Variants in RFFL observed in about 807,000 individuals in gnomAD.
RFFL encodes ring finger and FYVE like domain containing E3 ubiquitin protein ligase, also known as E3 ubiquitin-protein ligase rififylin.
In RFFL, 16 loss-of-function variants were observed where a neutral mutation model predicts 40.4. The observed-to-expected ratio is 0.40, with a 90% CI of 0.27 to 0.60. RFFL has a LOEUF of 0.60. Ranked by LOEUF, RFFL falls within the 20% of genes least tolerant of loss-of-function variation. The pLI is 0.47. For synonymous variants in RFFL, 154 were observed against 167.9 expected (o/e 0.92, Z 0.64); for missense variants, 367 against 451.7 (o/e 0.81, Z 1.70).
intron 1 of RFFL, among the ~76,000 whole-genome samples, chr17:35,075,869 T>C (rs540547658): frequency 6.6e-6 from 1 of 152,308 alleles, no homozygotes; most frequent in South Asian, 2.1e-4. Flanking sequence ...TTTAAGCATC[T>C]TAACTGTGAG....
chr17:35,021,963 G>A (rs1410034120), intron 2 of RFFL, among the ~76,000 whole-genome samples, 182 bp from the exon 3 acceptor site: 2 of 152,168 alleles, frequency 1.3e-5, no homozygotes, highest in Admixed American at 6.5e-5. Context: ...AAAGCCACTC[G>A]GGTGGAAGAC....
intron 1 of RFFL, 64 bp from the exon 2 acceptor site, chr17:35,026,625 G>T (rs2091042894): frequency 7.4e-7 from 1 of 1,347,672 alleles, no homozygotes; most frequent in Non-Finnish European, 1.0e-6. Flanking sequence ...TCCTTTTGAT[G>T]TCCGAGAGCA....
intron 5 of RFFL, among the ~76,000 whole-genome samples, chr17:35,015,972 T>G (rs549878398): frequency 1.3e-5 from 2 of 152,304 alleles, no homozygotes; most frequent in South Asian, 4.1e-4. Context: ...GTATGTAGAT[T>G]CACTTTCTAC....
intron 1 of RFFL, among the ~76,000 whole-genome samples, chr17:35,070,420 T>C (rs1417200310): frequency 2.6e-5 from 4 of 152,190 alleles, no homozygotes; most frequent in African/African-American, 4.8e-5. Flanking sequence ...TCCGCCTGCC[T>C]CAACCTCCCA....
chr17:35,070,320 C>A (rs1414788012), intron 1 of RFFL, among the ~76,000 whole-genome samples: 2 of 152,146 alleles, frequency 1.3e-5, no homozygotes, highest in Non-Finnish European at 2.9e-5. Context: ...CTGGTGCATG[C>A]CACCATGCCT....
At chr17:35,043,778 A>G (rs2091180893) in intron 1 of RFFL, among the ~76,000 whole-genome samples, 1 of 152,224 alleles carries the variant, frequency 6.6e-6, no homozygotes. Flanking sequence ...CTTATTTAAC[A>G]CAATAATCCT....
intron 1 of RFFL, among the ~76,000 whole-genome samples, chr17:35,072,744 G>C (rs1338330055): frequency 6.8e-6 from 1 of 146,436 alleles, no homozygotes; most frequent in East Asian, 2.0e-4. Context: ...TAAAAATAAA[G>C]TATAAAAAAA....
chr17:35,012,191 G>A (rs2142311626), intron 6 of RFFL, 42 bp from the exon 7 acceptor site: 1 of 1,580,080 alleles, frequency 6.3e-7, no homozygotes, highest in South Asian at 1.1e-5. Flanking sequence ...GCAGAGGAGT[G>A]AGGAGAATGT....
At chr17:35,048,982 C>A (rs2091216317) in intron 1 of RFFL, among the ~76,000 whole-genome samples, 1 of 152,170 alleles carries the variant, frequency 6.6e-6, no homozygotes, top group South Asian at 2.1e-4. Context: ...ATTTCTAGTT[C>A]TCTTGGTGTC....
chr17:35,079,636 T>C (rs1219278303), intron 1 of RFFL, among the ~76,000 whole-genome samples: 1 of 152,220 alleles, frequency 6.6e-6, no homozygotes, highest in Non-Finnish European at 1.5e-5. Flanking sequence ...ACAGTCACTA[T>C]TCCTCAAGCT....
chr17:35,063,358 G>A (rs1311728287), intron 1 of RFFL, among the ~76,000 whole-genome samples: 1 of 148,486 alleles, frequency 6.7e-6, no homozygotes, highest in African/African-American at 2.5e-5. Flanking sequence ...GGGAGGCTGA[G>A]GCAGGAGAAT....
chr17:35,024,924 T>C (rs572777368), intron 2 of RFFL, among the ~76,000 whole-genome samples: 3 of 152,326 alleles, frequency 2.0e-5, no homozygotes, highest in African/African-American at 7.2e-5. Context: ...AAGAAAATAT[T>C]GTAGCAAGAA....
intron 3 of RFFL, among the ~76,000 whole-genome samples, chr17:35,018,159 T>C (rs1045514835): frequency 1.3e-5 from 2 of 152,202 alleles, no homozygotes; most frequent in African/African-American, 4.8e-5. Flanking sequence ...TTCCAGATCA[T>C]CACCACCCTA....
At chr17:35,051,730 G>A (rs996704156) in intron 1 of RFFL, among the ~76,000 whole-genome samples, 1 of 152,198 alleles carries the variant, frequency 6.6e-6, no homozygotes, top group South Asian at 2.1e-4. Context: ...ATAATTAAAC[G>A]CTGGCCCCTT....
intron 1 of RFFL, among the ~76,000 whole-genome samples, chr17:35,075,414 T>A (rs1427199077): frequency 1.3e-5 from 2 of 152,216 alleles, no homozygotes; most frequent in Admixed American, 1.3e-4. Flanking sequence ...AAACAAATTG[T>A]TTCCAAAAGT....
At position 35,009,084 on chromosome 17, in the gene RFFL, C is replaced by T. The variant is rs1449361730; in HGVS notation, c.*2884G>A. 6.6e-6 allele frequency: 1 copy of T among 152,626 alleles called. No individual in the cohort carries two copies. Among genetic ancestry groups the T allele is most frequent in the Non-Finnish European group, 1.5e-5 (1 of 68,036 alleles). The allele number at this position is 152,626 out of a possible 1,614,324, so 9.5% of individuals were successfully genotyped here. A position where few individuals can be genotyped will look rare whatever the true frequency, so the allele number is the denominator to read the frequency against. Reference sequence around the variant, plus strand: ...AGGCTCTTTTGTCAGTCCTATCAACCTCTAACATCCTCGCACCAGACAGGA... The same window carrying T: ...AGGCTCTTTTGTCAGTCCTATCAACTTCTAACATCCTCGCACCAGACAGGA... On this transcript the variant is annotated 3_prime_UTR_variant, in exon 7 of 7. Coordinates refer to ENST00000394597, the MANE Select transcript of RFFL (RefSeq NM_001017368.2).
upstream of RFFL, among the ~76,000 whole-genome samples, chr17:35,067,652 G>A (rs568887382): frequency 9.2e-5 from 14 of 151,656 alleles, no homozygotes; most frequent in African/African-American, 2.4e-4. Context: ...ACGGAGTTTC[G>A]CCATGTTGGC....
At chr17:35,074,405 A>C (rs1041253356) in intron 1 of RFFL, 1 of 152,198 alleles carries the variant, frequency 6.6e-6, no homozygotes, top group African/African-American at 2.4e-5. Flanking sequence ...TGCTGAGCTA[A>C]AACTGCGGTG....
chr17:35,058,841 A>G (rs970385874), intron 1 of RFFL, among the ~76,000 whole-genome samples: 4 of 151,980 alleles, frequency 2.6e-5, no homozygotes, highest in South Asian at 2.1e-4. Context: ...TTTACCCTCT[A>G]TCCTTTAGAG....
Sources: gnomAD v4.1 joint callset for allele counts (sites outside exome capture counted in the v4.1 genomes callset) on GRCh38, gnomAD v4.1.1 for gene constraint, MANE v1.5 for transcripts, NCBI Gene and HGNC (gene_info 2026-07-23, HGNC 2026-07-21) for gene names.